The following B3GALT1 variants were observed in gnomAD, a reference collection of about 807,000 sequenced individuals.
B3GALT1 encodes UDP-Gal:betaGlcNAc beta 1,3-galactosyltransferase, polypeptide 1.
A neutral mutation model predicts 23.2 loss-of-function variants in B3GALT1; 10 were observed. That is an observed-to-expected ratio of 0.43 (90% CI 0.27 to 0.73). The LOEUF is 0.73. Ranked by LOEUF, B3GALT1 falls within the 30% of genes least tolerant of loss-of-function variation. The probability of loss-of-function intolerance (pLI) is 0.21; values close to 1 mark genes in which losing one functional copy is unlikely to be tolerated. For missense variants in B3GALT1, 299 were observed against 405.4 expected, an observed-to-expected ratio of 0.74 and a Z score of 2.25; for synonymous variants, 156 against 141.5, an observed-to-expected ratio of 1.10 and a Z score of -0.73.
chr2:167,568,247 C>G (rs1404496150), intron 2 of B3GALT1, among the ~76,000 whole-genome samples: 2 of 152,014 alleles, frequency 1.3e-5, no homozygotes, highest in Admixed American at 1.3e-4. Context: ...AGCATAATTG[C>G]TCGTAGATAC....
At chr2:167,687,903 T>A (rs1310162711) in intron 3 of B3GALT1, among the ~76,000 whole-genome samples, 4 of 152,124 alleles carry the variant, frequency 2.6e-5, no homozygotes, top group African/African-American at 9.7e-5. Flanking sequence ...TTGCAGATAG[T>A]TTAAGGTACC....
At chr2:167,470,601 C>T (rs1255420799) in intron 1 of B3GALT1, among the ~76,000 whole-genome samples, 1 of 151,780 alleles carries the variant, frequency 6.6e-6, no homozygotes, top group Non-Finnish European at 1.5e-5. Flanking sequence ...AAGGATCTTT[C>T]CTGAAGCAGA....
intron 1 of B3GALT1, among the ~76,000 whole-genome samples, chr2:167,371,218 A>G (rs953778417): frequency 6.6e-6 from 1 of 152,090 alleles, no homozygotes; most frequent in South Asian, 2.1e-4. Context: ...GCTATCCCCA[A>G]TGCCTTGTCG....
At chr2:167,798,632 A>G (rs781489241) in intron 3 of B3GALT1, among the ~76,000 whole-genome samples, 1 of 152,008 alleles carries the variant, frequency 6.6e-6, no homozygotes, top group Non-Finnish European at 1.5e-5. Context: ...ATTATGTTCT[A>G]TTGGTCTACG....
In B3GALT1 at chr2:167,715,947, G is replaced by A. The variant is rs540533414; in HGVS notation, c.-352+68981G>A. On this transcript the variant is annotated intron_variant, in intron 3 of 4. Coordinates refer to ENST00000392690, the MANE Select transcript of B3GALT1 (RefSeq NM_020981.4). ...AGCTGCGCATACCACCAGTTCGCAT[G>A]GAAAACCATAAGGATTCGAATCTTG... is the stretch of plus-strand genomic sequence containing the variant. 8 of 1,613,076 alleles carry A rather than the reference G, an allele frequency of 5.0e-6. No homozygotes were observed. In the East Asian group the frequency reaches 1.8e-4, roughly 36 times the overall value.
chr2:167,479,974 G>C (rs1379735058), intron 1 of B3GALT1, among the ~76,000 whole-genome samples: 4 of 152,054 alleles, frequency 2.6e-5, no homozygotes, highest in African/African-American at 2.4e-5. Context: ...GTCTGCCTCT[G>C]GCTGGGGCCA....
chr2:167,649,962 T>C (rs1025128372), intron 3 of B3GALT1, among the ~76,000 whole-genome samples: 1 of 152,116 alleles, frequency 6.6e-6, no homozygotes, highest in East Asian at 1.9e-4. Flanking sequence ...GTTGAATAGA[T>C]GTAATGAATA....
chr2:167,765,934 A>C (rs1687970788), intron 3 of B3GALT1, among the ~76,000 whole-genome samples: 1 of 152,220 alleles, frequency 6.6e-6, no homozygotes, highest in Non-Finnish European at 1.5e-5. Flanking sequence ...CTATTAATAC[A>C]CTATTTGAGA....
intron 2 of B3GALT1, among the ~76,000 whole-genome samples, chr2:167,504,331 A>T (rs1200597640): frequency 6.6e-6 from 1 of 152,202 alleles, no homozygotes; most frequent in Non-Finnish European, 1.5e-5. Context: ...GCCTAGAATT[A>T]GTTATAAGTA....
chr2:167,862,515 T>C (rs941886302), intron 4 of B3GALT1, among the ~76,000 whole-genome samples: 5 of 152,202 alleles, frequency 3.3e-5, no homozygotes, highest in African/African-American at 1.2e-4. Flanking sequence ...ATTCAAATGC[T>C]AATCTTTGCC....
chr2:167,531,142 CT>C (rs1483758861), intron 2 of B3GALT1, among the ~76,000 whole-genome samples: 1 of 152,140 alleles, frequency 6.6e-6, no homozygotes, highest in African/African-American at 2.4e-5. Context: ...GCAATGGGAA[CT>C]TTAAAATATT....
At chr2:167,382,399 T>A (rs1697858077) in intron 1 of B3GALT1, among the ~76,000 whole-genome samples, 1 of 152,112 alleles carries the variant, frequency 6.6e-6, no homozygotes, top group Non-Finnish European at 1.5e-5. Flanking sequence ...GGATGTTGCT[T>A]ATGGTTAAAA....
intron 1 of B3GALT1, among the ~76,000 whole-genome samples, chr2:167,485,138 G>A (rs1193209879): frequency 6.6e-6 from 1 of 152,124 alleles, no homozygotes; most frequent in Non-Finnish European, 1.5e-5. Flanking sequence ...TGGCCAAGAG[G>A]AGGGATCCAT....
chr2:167,803,540 G>A (rs1688684013), intron 3 of B3GALT1, among the ~76,000 whole-genome samples: 1 of 152,138 alleles, frequency 6.6e-6, no homozygotes, highest in South Asian at 2.1e-4. Context: ...GATGATTTAA[G>A]GCATCTGCAG....
At chr2:167,459,796 T>C (rs1203984067) in intron 1 of B3GALT1, among the ~76,000 whole-genome samples, 2 of 152,192 alleles carry the variant, frequency 1.3e-5, no homozygotes, top group African/African-American at 4.8e-5. Context: ...GCAGTGGTAA[T>C]GAACTTTTGT....
chr2:167,543,829 C>CA (rs1296918506), intron 2 of B3GALT1, among the ~76,000 whole-genome samples: 1 of 152,206 alleles, frequency 6.6e-6, no homozygotes, highest in Non-Finnish European at 1.5e-5. Flanking sequence ...CATTTGGCTA[C>CA]AAACAACAGG....
chr2:167,732,465 A>G (rs1394046832), intron 3 of B3GALT1, among the ~76,000 whole-genome samples: 3 of 152,176 alleles, frequency 2.0e-5, no homozygotes, highest in Non-Finnish European at 4.4e-5. Flanking sequence ...AGCCTTTTCC[A>G]CAGCACCGGA....
At chr2:167,745,930 T>G (rs1687644918) in intron 3 of B3GALT1, among the ~76,000 whole-genome samples, 1 of 152,180 alleles carries the variant, frequency 6.6e-6, no homozygotes. Flanking sequence ...ATGATTAATA[T>G]CCTCATATTA....
At chr2:167,650,413 G>T (rs921313258) in intron 3 of B3GALT1, among the ~76,000 whole-genome samples, 2 of 151,024 alleles carry the variant, frequency 1.3e-5, no homozygotes, top group Admixed American at 6.6e-5. Context: ...TTGGTAAGCC[G>T]CTGGATTCAT....
Sources: allele counts gnomAD v4.1 joint callset (sites outside exome capture counted in the v4.1 genomes callset), GRCh38; gene constraint gnomAD v4.1.1; transcripts MANE v1.5; gene names NCBI Gene and HGNC (gene_info 2026-07-23, HGNC 2026-07-21).